Variants in BCL7C observed in about 807,000 individuals in gnomAD.
BCL7C encodes the protein B-cell CLL/lymphoma 7 protein family member C.
Under a neutral mutation model 26.2 loss-of-function variants are expected in BCL7C, and 8 were observed. That is an observed-to-expected ratio of 0.30 (90% CI 0.18 to 0.55). The LOEUF (loss-of-function observed/expected upper bound fraction) is 0.55. Ranked by LOEUF, BCL7C falls within the 20% of genes least tolerant of loss-of-function variation. The probability of loss-of-function intolerance (pLI) is 0.93; values close to 1 mark genes in which losing one functional copy is unlikely to be tolerated. For synonymous variants in BCL7C, 90 were observed against 116.5 expected (o/e 0.77, Z 1.47); for missense variants, 262 against 298.5 (o/e 0.88, Z 0.90).
At position 30,877,901 on chromosome 16, in the gene BCL7C, G is replaced by A. The variant is rs565615527; in HGVS notation, c.528+10959C>T. ...AAAATCCCAGGGCCCTTGGCCGGGCGCAGTGGCTGATGCCTGTAATCTCAG... is the reference window on the plus strand; with the variant it reads ...AAAATCCCAGGGCCCTTGGCCGGGCACAGTGGCTGATGCCTGTAATCTCAG... On this transcript the variant is annotated intron_variant, in intron 5 of 5. Coordinates refer to the BCL7C transcript ENST00000380317. Among the ~76,000 whole-genome samples, 424 of 151,550 alleles carry A rather than the reference G, an allele frequency of 2.8e-3. 2 individuals are homozygous for A. Among genetic ancestry groups the A allele is most frequent in the African/African-American group, 8.9e-3 (369 of 41,334 alleles).
chr16:30,868,597 C>T (rs989012004), intron 5 of BCL7C, among the ~76,000 whole-genome samples: 1 of 151,586 alleles, frequency 6.6e-6, no homozygotes, highest in African/African-American at 2.4e-5. Flanking sequence ...ACCAGCCTGA[C>T]CAACATGGAG....
intron 5 of BCL7C, chr16:30,875,308 G>A (rs866126116): frequency 4.5e-5 from 7 of 154,140 alleles, no homozygotes; most frequent in Middle Eastern, 5.7e-4. Flanking sequence ...GTGCAGCCCT[G>A]CGCACTGCTG....
chr16:30,835,278 G>C, intron 5 of BCL7C: 1 of 844,098 alleles, frequency 1.2e-6, no homozygotes, highest in Non-Finnish European at 1.7e-6. Context: ...AAGCGATTAA[G>C]CTGGGTATTT....
chr16:30,841,953 CAAAAA>C (rs1183661130), intron 5 of BCL7C, among the ~76,000 whole-genome samples: 3 of 22,248 alleles, frequency 1.3e-4, no homozygotes, highest in Non-Finnish European at 2.6e-4. Context: ...GACTCCATCT[CAAAAA>C]AAAAAAAAAA....
At position 30,834,731 on chromosome 16, in the gene BCL7C, G is replaced by C. The variant is rs2054558990; in HGVS notation, c.*217C>G. 2 of 489,866 alleles carry C rather than the reference G, an allele frequency of 4.1e-6. No individual in the cohort carries two copies. Among genetic ancestry groups the C allele is most frequent in the Non-Finnish European group, 7.2e-6 (2 of 278,786 alleles). The allele number at this position is 489,866 out of a possible 1,614,324, so 30.3% of individuals were successfully genotyped here. On this transcript the variant is annotated 3_prime_UTR_variant, in exon 6 of 6. Transcript: ENST00000380317. The surrounding 1 kb of genome is among the most constrained non-coding windows in gnomAD (Gnocchi z 4.3). ...GCCTCAGGCACTGGATGTGGTCCGAGTTCTGCCCTAAGCCCTTCCCATGCA... is the reference window on the plus strand; with the variant it reads ...GCCTCAGGCACTGGATGTGGTCCGACTTCTGCCCTAAGCCCTTCCCATGCA...
chr16:30,837,275 G>A (rs2054575888), intron 5 of BCL7C, among the ~76,000 whole-genome samples: 1 of 152,232 alleles, frequency 6.6e-6, no homozygotes, highest in South Asian at 2.1e-4. Context: ...GAAAAATCAG[G>A]ATGGGTCTAT....
intron 5 of BCL7C, among the ~76,000 whole-genome samples, chr16:30,842,394 TG>T (rs973342070): frequency 1.1e-4 from 16 of 152,190 alleles, no homozygotes; most frequent in African/African-American, 1.9e-4. Context: ...AAGAGCACAC[TG>T]GCCACTCAAG....
intron 5 of BCL7C, among the ~76,000 whole-genome samples, chr16:30,869,222 T>C (rs149898857): frequency 4.9e-4 from 74 of 152,222 alleles, no homozygotes; most frequent in Non-Finnish European, 2.9e-5. Flanking sequence ...TTTATTTTGT[T>C]TTTTGCGACA....
chr16:30,892,514 T>G (rs2055263136), intron 4 of BCL7C, 72 bp downstream of exon 4: 18 of 1,468,342 alleles, frequency 1.2e-5, no homozygotes, highest in African/African-American at 1.4e-5. Flanking sequence ...GGTATAGGGA[T>G]GAGCTGGTAG....
Position 30,857,693 on chromosome 16 carries a change from G to A in BCL7C, c.529-22545C>T, listed in dbSNP as rs901614032. On this transcript the variant is annotated intron_variant, in intron 5 of 5. Coordinates refer to the BCL7C transcript ENST00000380317. ...CTTGAAAAACCATGCCTTGGAGGCC[G>A]GGCGTGGTGGCTCATGCCTGTAATC... 4.0e-5 allele frequency among the ~76,000 whole-genome samples: 6 copies of A among 151,672 alleles called. No individual in the cohort carries two copies. In the East Asian group the frequency reaches 9.7e-4, roughly 25 times the overall value.
At chr16:30,873,466 G>C (rs1017633439) in intron 5 of BCL7C, among the ~76,000 whole-genome samples, 1 of 152,132 alleles carries the variant, frequency 6.6e-6, no homozygotes, top group African/African-American at 2.4e-5. Flanking sequence ...AAACTGTGAA[G>C]ATACTAAGAA....
chr16:30,858,466 C>T (rs544728402), intron 5 of BCL7C, among the ~76,000 whole-genome samples: 1 of 152,202 alleles, frequency 6.6e-6, no homozygotes, highest in African/African-American at 2.4e-5. Flanking sequence ...TTCCTAGGGA[C>T]CCAAAACGCC....
intron 5 of BCL7C, among the ~76,000 whole-genome samples, chr16:30,855,256 T>G (rs2054709753): frequency 6.6e-6 from 1 of 152,082 alleles, no homozygotes; most frequent in African/African-American, 2.4e-5. Flanking sequence ...TTATTTATTT[T>G]GAGATGGAGT....
chr16:30,871,011 A>G (rs1030483781), intron 5 of BCL7C, among the ~76,000 whole-genome samples: 3 of 152,232 alleles, frequency 2.0e-5, no homozygotes, highest in African/African-American at 7.2e-5. Flanking sequence ...TACCCAGCCC[A>G]GTGCTGACAC....
rs957453318 is a variant in BCL7C at position 30,835,114 on chromosome 16, T to A, written c.563A>T (p.His188Leu). The change falls in exon 6 of 6, where the codon CAC becomes CTC. Residue 188 changes from histidine to leucine, a missense_variant. His to Leu is a moderately conservative substitution (Grantham distance 99, BLOSUM62 -3). Transcript: ENST00000380317. ...GGGCTCTGTCTTCAGCCCCTTCTCGTGAAGGGCTCTCCTCGTCATTCTCAC... is the reference window on the plus strand; with the variant it reads ...GGGCTCTGTCTTCAGCCCCTTCTCGAGAAGGGCTCTCCTCGTCATTCTCAC... The A allele has an allele frequency of 4.6e-6, 7 of 1,532,118 alleles. No homozygotes were observed. The African/African-American group carries it at 9.7e-5, about 21-fold the overall frequency. The allele number at this position is 1,532,118 out of a possible 1,614,324, so 94.9% of individuals were successfully genotyped here.
At chr16:30,869,773 A>C (rs2054867304) in intron 5 of BCL7C, among the ~76,000 whole-genome samples, 1 of 152,098 alleles carries the variant, frequency 6.6e-6, no homozygotes, top group Admixed American at 6.6e-5. Flanking sequence ...CTGGCCTCCC[A>C]AAGTGCTGGG....
chr16:30,863,327 C>A (rs774461313), intron 5 of BCL7C, among the ~76,000 whole-genome samples: 1 of 152,148 alleles, frequency 6.6e-6, no homozygotes, highest in Non-Finnish European at 1.5e-5. Context: ...TTAACTCAGG[C>A]CCTCACTCTT....
chr16:30,861,984 C>T (rs747772838), intron 5 of BCL7C, among the ~76,000 whole-genome samples: 4 of 151,356 alleles, frequency 2.6e-5, no homozygotes, highest in Non-Finnish European at 5.9e-5. Context: ...CTGCCTCAGC[C>T]TCCCAAGTAG....
intron 5 of BCL7C, among the ~76,000 whole-genome samples, chr16:30,873,464 A>T (rs1272791508): frequency 6.6e-6 from 1 of 152,178 alleles, no homozygotes; most frequent in Non-Finnish European, 1.5e-5. Context: ...CAAAACTGTG[A>T]AGATACTAAG....
Sources: gnomAD v4.1 joint callset for allele counts (sites outside exome capture counted in the v4.1 genomes callset) on GRCh38, gnomAD v4.1.1 for gene constraint, Gnocchi (gnomAD v3.1) non-coding constraint, MANE v1.5 for transcripts, NCBI Gene and HGNC (gene_info 2026-07-23, HGNC 2026-07-21) for gene names.